Variants in NCALD observed in about 807,000 individuals in gnomAD.
NCALD encodes the protein neurocalcin-delta.
A neutral mutation model predicts 18.6 loss-of-function variants in NCALD; 10 were observed. That is an observed-to-expected ratio of 0.54 (90% CI 0.33 to 0.91). The LOEUF is 0.91. NCALD is among the 40% of genes least tolerant of loss of function. The probability of loss-of-function intolerance (pLI) is 0.03; values close to 1 mark genes in which losing one functional copy is unlikely to be tolerated. For synonymous variants in NCALD, 88 were observed against 87.4 expected, an observed-to-expected ratio of 1.01 and a Z score of -0.04; for missense variants, 184 against 247.6, an observed-to-expected ratio of 0.74 and a Z score of 1.72.
intron 1 of NCALD, among the ~76,000 whole-genome samples, chr8:102,084,679 G>A (rs1330424805): frequency 6.6e-6 from 1 of 152,144 alleles, no homozygotes; most frequent in Non-Finnish European, 1.5e-5. Flanking sequence ...AGTGTTCCCA[G>A]AAGAAGGTCA....
chr8:101,885,381 A>C (rs2131478122), intron 4 of NCALD, among the ~76,000 whole-genome samples: 1 of 152,352 alleles, frequency 6.6e-6, no homozygotes, highest in Admixed American at 6.5e-5. Context: ...CAGCCCAGGA[A>C]ATTTGGGCAG....
At chr8:101,963,144 A>C (rs1037395933) in intron 2 of NCALD, among the ~76,000 whole-genome samples, 1 of 151,656 alleles carries the variant, frequency 6.6e-6, no homozygotes, top group African/African-American at 2.4e-5. Context: ...GAACTACTCT[A>C]ACACATCACT....
chr8:101,894,694 C>T (rs904199509), intron 3 of NCALD, among the ~76,000 whole-genome samples: 5 of 150,910 alleles, frequency 3.3e-5, no homozygotes, highest in African/African-American at 9.9e-5. Context: ...ACCACAGATC[C>T]CACAGAAATA....
intron 1 of NCALD, among the ~76,000 whole-genome samples, chr8:101,738,871 C>T (rs1810055291): frequency 6.6e-6 from 1 of 152,112 alleles, no homozygotes; most frequent in Admixed American, 6.5e-5. Context: ...GTATCTTAAT[C>T]ACCTTCATCA....
At chr8:101,763,332 G>A (rs1172851210) in intron 1 of NCALD, among the ~76,000 whole-genome samples, 1 of 152,136 alleles carries the variant, frequency 6.6e-6, no homozygotes, top group Non-Finnish European at 1.5e-5. Flanking sequence ...GTCTGGGTAG[G>A]TGTTGAAGGT....
intron 1 of NCALD, among the ~76,000 whole-genome samples, chr8:102,042,996 T>G (rs777789787): frequency 6.6e-6 from 1 of 151,878 alleles, no homozygotes; most frequent in Non-Finnish European, 1.5e-5. Context: ...CAGTCTTGTA[T>G]GTAAAAGGAA....
chr8:101,996,684 G>C (rs1315640397), intron 2 of NCALD, among the ~76,000 whole-genome samples: 1 of 152,136 alleles, frequency 6.6e-6, no homozygotes, highest in African/African-American at 2.4e-5. Context: ...TGAAACTAAC[G>C]GTGGAAAAGG....
chr8:102,105,327 C>T (rs1825410529), intron 1 of NCALD, among the ~76,000 whole-genome samples: 2 of 152,158 alleles, frequency 1.3e-5, no homozygotes, highest in African/African-American at 4.8e-5. Context: ...CTGCTATGAA[C>T]CACTTCCCAT....
chr8:101,733,848 G>A (rs1444081840), intron 1 of NCALD, among the ~76,000 whole-genome samples: 1 of 152,228 alleles, frequency 6.6e-6, no homozygotes, highest in Non-Finnish European at 1.5e-5. Context: ...TTTCCTGCAT[G>A]GAAATCCTTA....
At chr8:101,758,787 A>G (rs1404763470) in intron 1 of NCALD, among the ~76,000 whole-genome samples, 3 of 152,204 alleles carry the variant, frequency 2.0e-5, no homozygotes, top group African/African-American at 7.2e-5. Context: ...ATATCTGTTC[A>G]TCTCTAGTGT....
At chr8:101,960,995 A>G (rs1819812969) in intron 2 of NCALD, among the ~76,000 whole-genome samples, 1 of 152,074 alleles carries the variant, frequency 6.6e-6, no homozygotes, top group African/African-American at 2.4e-5. Context: ...TTTCATTTTC[A>G]CCATAGCACT....
intron 2 of NCALD, among the ~76,000 whole-genome samples, chr8:101,714,717 C>CATCATGCTACCTGA (rs1554611560): frequency 8.6e-5 from 13 of 151,650 alleles, no homozygotes; most frequent in African/African-American, 2.2e-4. Context: ...AAGCTGGGGG[C>CATCATGCTACCTGA]CGGGCACGGT....
chr8:102,076,769 T>C (rs1174056032), intron 1 of NCALD, among the ~76,000 whole-genome samples: 1 of 152,204 alleles, frequency 6.6e-6, no homozygotes. Flanking sequence ...GTAGCTATAA[T>C]TACATAAATA....
At chr8:101,701,078 G>A (rs919493636) in intron 2 of NCALD, among the ~76,000 whole-genome samples, 9 of 152,200 alleles carry the variant, frequency 5.9e-5, no homozygotes, top group Admixed American at 1.3e-4. Context: ...TCGAGGTGAC[G>A]AGTCCCAATG....
At chr8:101,840,287 G>A (rs1361986577) in intron 4 of NCALD, among the ~76,000 whole-genome samples, 3 of 152,146 alleles carry the variant, frequency 2.0e-5, no homozygotes, top group African/African-American at 7.2e-5. Flanking sequence ...GCACACACAG[G>A]AGCTGAATAA....
chr8:101,781,913 T>C (rs1012060522), intron 1 of NCALD, among the ~76,000 whole-genome samples: 2 of 151,870 alleles, frequency 1.3e-5, no homozygotes, highest in Non-Finnish European at 2.9e-5. Flanking sequence ...GACACTTATA[T>C]TGATGATCAG....
rs111421951 is a variant in NCALD at position 101,813,621 on chromosome 8, A to G, written c.-20+73520T>C. Reference sequence around the variant, plus strand: ...TCATTATAGAGTGAACATATTTTCTATTGGCACAAAAACCACTATGTAAAT... The same window carrying G: ...TCATTATAGAGTGAACATATTTTCTGTTGGCACAAAAACCACTATGTAAAT... On this transcript the variant is annotated intron_variant, in intron 4 of 6. Transcript: ENST00000311028. Among the ~76,000 whole-genome samples, 871 of 152,286 alleles carry G rather than the reference A, an allele frequency of 5.7e-3. 11 individuals are homozygous for G. The highest frequency in any genetic ancestry group is 0.018 in the African/African-American group (766 of 41,576).
chr8:101,911,340 CTCTTTTCTTTTTTT>C (rs1403405863), intron 3 of NCALD, among the ~76,000 whole-genome samples: 1 of 147,844 alleles, frequency 6.8e-6, no homozygotes, highest in East Asian at 2.0e-4. Flanking sequence ...TTATGAATTT[CTCTTTTCTTTTTTT>C]TCTTTTCTTT....
intron 2 of NCALD, among the ~76,000 whole-genome samples, chr8:101,988,595 A>C (rs951477212): frequency 2.6e-4 from 40 of 152,248 alleles, no homozygotes; most frequent in African/African-American, 7.0e-4. Flanking sequence ...CTGACTAAAC[A>C]TATAAGTGCT....
Sources: allele counts gnomAD v4.1 joint callset (sites outside exome capture counted in the v4.1 genomes callset), GRCh38; gene constraint gnomAD v4.1.1; transcripts MANE v1.5; gene names NCBI Gene and HGNC (gene_info 2026-07-23, HGNC 2026-07-21).